The following RPS6KA3 variants were observed in gnomAD, a reference collection of about 807,000 sequenced individuals.
RPS6KA3 encodes the protein ribosomal protein S6 kinase A3.
RPS6KA3 carries 4 observed loss-of-function variants against 67.2 expected under a neutral mutation model. The observed-to-expected ratio is 0.06, with a 90% CI of 0.03 to 0.14. The LOEUF is 0.14. Ranked by LOEUF, RPS6KA3 falls within the 10% of genes least tolerant of loss-of-function variation. The pLI is 1.00. For missense variants in RPS6KA3, 204 were observed against 559.0 expected, an observed-to-expected ratio of 0.36 and a Z score of 6.40; for synonymous variants, 182 against 183.7, an observed-to-expected ratio of 0.99 and a Z score of 0.07.
chrX:20,164,078 G>A (rs907058597), intron 18 of RPS6KA3, among the ~76,000 whole-genome samples: 1 of 111,716 alleles, frequency 9.0e-6, no homozygotes, highest in African/African-American at 3.3e-5. Context: ...TTGAGCTGAG[G>A]AGTTCAAGGC....
chrX:20,181,034 C>A (rs2067829619), intron 10 of RPS6KA3, among the ~76,000 whole-genome samples: 1 of 111,737 alleles, frequency 8.9e-6, no homozygotes, highest in Admixed American at 9.5e-5. Flanking sequence ...TAGTTAAGGA[C>A]TGATGATACC....
chrX:20,153,631 CCTT>C lies in RPS6KA3; in HGVS notation c.*1764_*1766del, dbSNP rs2067138373. On this transcript the variant is annotated 3_prime_UTR_variant, in exon 22 of 22. Transcript: ENST00000379565. Reference sequence around the variant, plus strand: ...TGAGTACATTCTTTTTTTTTTTTTTCCTTCTTGAGACAGAGTCTCACTCTGTCA... The same window carrying C: ...TGAGTACATTCTTTTTTTTTTTTTTCCTTGAGACAGAGTCTCACTCTGTCA... 1 of 95,611 alleles carries C rather than the reference CCTT, an allele frequency of 1.0e-5. No homozygotes were observed. Among genetic ancestry groups the C allele is most frequent in the African/African-American group, 3.9e-5 (1 of 25,892 alleles). 7.9% of individuals were successfully genotyped at this position (95,611 alleles called of 1,213,427 possible).
chrX:20,255,742 T>C (rs1252334248), intron 1 of RPS6KA3, among the ~76,000 whole-genome samples: 2 of 71,992 alleles, frequency 2.8e-5, no homozygotes, highest in Non-Finnish European at 4.8e-5. Flanking sequence ...GAGCTGAGAC[T>C]GCACCACTGC....
intron 2 of RPS6KA3, among the ~76,000 whole-genome samples, chrX:20,225,255 G>GTTTTTTTTTTT (rs1171338918): frequency 1.4e-5 from 1 of 69,690 alleles, no homozygotes; most frequent in African/African-American, 5.0e-5. Context: ...TTTTTTTTTT[G>GTTTTTTTTTTT]TTTTTTTTTT....
chrX:20,161,867 C>T (rs1034749458), intron 19 of RPS6KA3, 106 bp from the exon 20 acceptor site: 3 of 196,617 alleles, frequency 1.5e-5, no homozygotes, highest in African/African-American at 3.2e-5. Context: ...TAAAATCTAC[C>T]AAAGTGAAAA....
rs191602982 is a variant in RPS6KA3 at position 20,180,863 on chromosome X, A to T, written c.846-3779T>A. Among the ~76,000 whole-genome samples the T allele has an allele frequency of 1.7e-3, 194 of 112,513 alleles. 1 individual carries two copies. Among genetic ancestry groups the T allele is most frequent in the Admixed American group, 4.7e-3 (50 of 10,553 alleles). ...ATTCTTTGACAAGATAAATCCAGAAAGCAGAGTTCTATAAAACAACTGACT... is the reference window on the plus strand; with the variant it reads ...ATTCTTTGACAAGATAAATCCAGAATGCAGAGTTCTATAAAACAACTGACT... On this transcript the variant is annotated intron_variant, in intron 10 of 21. Coordinates refer to ENST00000379565, the MANE Select transcript of RPS6KA3 (RefSeq NM_004586.3).
chrX:20,202,043 G>A (rs2068452623), intron 4 of RPS6KA3, among the ~76,000 whole-genome samples: 1 of 100,287 alleles, frequency 1.0e-5, no homozygotes, highest in African/African-American at 3.7e-5. Context: ...ACAGTGGTGC[G>A]ATCCCGGCTC....
At chrX:20,198,059 T>C (rs1346526601) in intron 4 of RPS6KA3, among the ~76,000 whole-genome samples, 1 of 112,282 alleles carries the variant, frequency 8.9e-6, no homozygotes, top group Non-Finnish European at 1.9e-5. Flanking sequence ...CCATTAACTT[T>C]ATCTAATGTT....
chrX:20,175,138 C>T, intron 14 of RPS6KA3, 26 bp downstream of exon 14: 1 of 1,183,150 alleles, frequency 8.5e-7, no homozygotes, highest in Non-Finnish European at 1.2e-6. Flanking sequence ...CATTCCAAAT[C>T]TAAAATTATT....
intron 2 of RPS6KA3, among the ~76,000 whole-genome samples, chrX:20,220,273 G>A (rs977186036): frequency 1.3e-4 from 14 of 110,705 alleles, no homozygotes; most frequent in Non-Finnish European, 2.6e-4. Context: ...AGCAGCAACA[G>A]GGACCCAAAT....
In RPS6KA3 at chrX:20,236,179, G is replaced by A. The variant is rs1034643713; in HGVS notation, c.70-1365C>T. Among the ~76,000 whole-genome samples the A allele has an allele frequency of 2.7e-4, 30 of 110,719 alleles. 1 individual carries two copies. The highest frequency in any genetic ancestry group is 3.8e-5 in the Non-Finnish European group (2 of 52,708). On this transcript the variant is annotated intron_variant, in intron 1 of 21. Coordinates refer to ENST00000379565, the MANE Select transcript of RPS6KA3 (RefSeq NM_004586.3). ...AAAATGTTAACAGTGGTTATCTCTG[G>A]GTGGTAGAATTTTAGACAATTTAAA...
intron 10 of RPS6KA3, among the ~76,000 whole-genome samples, chrX:20,181,179 C>T (rs1442692710): frequency 8.9e-6 from 1 of 111,979 alleles, no homozygotes; most frequent in Non-Finnish European, 1.9e-5. Context: ...ATAGATAAAG[C>T]AAAATGGCCA....
At position 20,266,169 on chromosome X, in the gene RPS6KA3, T is replaced by TC. The variant is rs773956650; in HGVS notation, c.69+394dup. On this transcript the variant is annotated intron_variant, in intron 1 of 21. Transcript: ENST00000379565. Reference sequence around the variant, plus strand: ...CCCCGGTGAACCCGATCCCTACCCCTCCCTCATCTCCCAAAGTCGCCAAGG... The same window carrying TC: ...CCCCGGTGAACCCGATCCCTACCCCTCCCCTCATCTCCCAAAGTCGCCAAGG... 5.1e-3 allele frequency: 687 copies of TC among 135,913 alleles called. 7 individuals carry two copies. The highest frequency in any genetic ancestry group is 0.023 in the African/African-American group (661 of 28,896). The allele number at this position is 135,913 out of a possible 1,213,427, so 11.2% of individuals were successfully genotyped here. A position where few individuals can be genotyped will look rare whatever the true frequency, so the allele number is the denominator to read the frequency against.
At chrX:20,252,877 G>C (rs1461380140) in intron 1 of RPS6KA3, among the ~76,000 whole-genome samples, 2 of 110,854 alleles carry the variant, frequency 1.8e-5, no homozygotes, top group Non-Finnish European at 3.8e-5. Flanking sequence ...AAGATGTGTT[G>C]AGAATCCTAC....
chrX:20,218,907 A>G, intron 2 of RPS6KA3: 2 of 956,995 alleles, frequency 2.1e-6, no homozygotes, highest in Non-Finnish European at 1.5e-6. Context: ...GGGAAGGCCA[A>G]GCCCCTGCAA....
At chrX:20,246,122 G>GAAAAAAAAAAAAAAAAAAAAAA (rs5901672) in intron 1 of RPS6KA3, among the ~76,000 whole-genome samples, 1 of 52,849 alleles carries the variant, frequency 1.9e-5, no homozygotes, top group Non-Finnish European at 3.8e-5. Context: ...TCTCGGAAAA[G>GAAAAAAAAAAAAAAAAAAAAAA]AAAAAAAAAA....
At position 20,225,504 on chromosome X, in the gene RPS6KA3, C is replaced by T. The variant is rs185755251; in HGVS notation, c.126+9254G>A. Among the ~76,000 whole-genome samples the T allele has an allele frequency of 2.2e-3, 247 of 111,027 alleles. 1 individual carries two copies. Among genetic ancestry groups the T allele is most frequent in the Non-Finnish European group, 3.8e-3 (199 of 52,908 alleles). On this transcript the variant is annotated intron_variant, in intron 2 of 21. Transcript: ENST00000379565. ...TATTTTCCCCCAAGCTCTGAGTACT[C>T]AAATACACTCTCAACCAATGAGAGT...
In RPS6KA3 at chrX:20,165,610, A is replaced by T. The variant is rs2067415277; in HGVS notation, c.1603-550T>A. On this transcript the variant is annotated intron_variant, in intron 17 of 21. Coordinates refer to ENST00000379565, the MANE Select transcript of RPS6KA3 (RefSeq NM_004586.3). ...AGAATGAATGAGCCATAAGAACAGT[A>T]AGGGAGAGTCATTCTAACTAGAAGG... 2.7e-5 allele frequency among the ~76,000 whole-genome samples: 3 copies of T among 112,057 alleles called. No homozygotes were observed. In the South Asian group the frequency reaches 1.1e-3, roughly 41 times the overall value.
chrX:20,175,564 A>T (rs1476436880), intron 13 of RPS6KA3, among the ~76,000 whole-genome samples: 2 of 112,075 alleles, frequency 1.8e-5, no homozygotes, highest in Admixed American at 1.9e-4. Flanking sequence ...GGTTAATGGT[A>T]TTCAAAATTA....
Sources: gnomAD v4.1 joint callset for allele counts (sites outside exome capture counted in the v4.1 genomes callset) on GRCh38, gnomAD v4.1.1 for gene constraint, MANE v1.5 for transcripts, NCBI Gene and HGNC (gene_info 2026-07-23, HGNC 2026-07-21) for gene names.